The following CD34 variants were observed in gnomAD, a reference collection of about 807,000 sequenced individuals.
The protein encoded by CD34 is hematopoietic progenitor cell antigen CD34.
In CD34, 34 loss-of-function variants were observed where a neutral mutation model predicts 40.1. The observed-to-expected ratio is 0.85, with a 90% CI of 0.65 to 1.13. CD34 has a LOEUF of 1.13. Ranked by LOEUF, CD34 falls within the 50% of genes most tolerant of loss-of-function variation. The pLI, the probability that CD34 is intolerant of heterozygous loss-of-function variation, is 0.00. For missense variants in CD34, 426 were observed against 466.9 expected (o/e 0.91, Z 0.81); for synonymous variants, 209 against 190.0 (o/e 1.10, Z -0.82).
In CD34 at chr1:207,911,087, C is replaced by G. The variant is rs1353303412; in HGVS notation, c.-7G>C. On this transcript the variant is annotated 5_prime_UTR_variant, in exon 1 of 8. Coordinates refer to ENST00000310833, the MANE Select transcript of CD34 (RefSeq NM_001025109.2). ...CGCCCCTGCGGACCAGCATCCTTCC[C>G]GCGCGGCTCCTAGAGAGACGCACCG... 6.4e-7 allele frequency: 1 copy of G among 1,571,354 alleles called. No homozygotes were observed. Among genetic ancestry groups the G allele is most frequent in the Non-Finnish European group, 8.6e-7 (1 of 1,162,076 alleles).
In CD34 at chr1:207,899,243, C is replaced by T; in HGVS notation, c.263-17G>A. The T allele has an allele frequency of 6.2e-7, 1 of 1,612,440 alleles. No homozygotes were observed. The highest frequency in any genetic ancestry group is 8.5e-7 in the Non-Finnish European group (1 of 1,178,920). The stretch of plus-strand genomic sequence containing the variant: ...CTGTCGTTTCTGGAAGAGACCAAAA[C>T]ATGGGTGTGCATGTGTGCATGTGCT... On this transcript the variant is annotated splice_polypyrimidine_tract_variant and intron_variant, in intron 2 of 7. Transcript: ENST00000310833.
intron 4 of CD34, among the ~76,000 whole-genome samples, chr1:207,891,410 G>T (rs548513507): frequency 6.6e-6 from 1 of 152,226 alleles, no homozygotes; most frequent in African/African-American, 2.4e-5. Context: ...AACCAGGCGC[G>T]GTGACTCATG....
rs1490363397 is a variant in CD34 at position 207,883,457 on chromosome 1, T to C, written c.*4281A>G. The C allele has an allele frequency of 2.0e-5, 3 of 151,682 alleles. No individual in the cohort carries two copies. Among genetic ancestry groups the C allele is most frequent in the African/African-American group, 7.2e-5 (3 of 41,390 alleles). 9.4% of individuals were successfully genotyped at this position (151,682 alleles called of 1,614,324 possible). On this transcript the variant is annotated 3_prime_UTR_variant, in exon 8 of 8. Coordinates refer to ENST00000310833, the MANE Select transcript of CD34 (RefSeq NM_001025109.2). Reference sequence around the variant, plus strand: ...GTTATTTCTCACTTTCTGTTGTGCATTTTTTTTCTTGCTTCTTTGTTTAAA... The same window carrying C: ...GTTATTTCTCACTTTCTGTTGTGCACTTTTTTTCTTGCTTCTTTGTTTAAA...
At chr1:207,898,286 C>G (rs868148899) in intron 3 of CD34, among the ~76,000 whole-genome samples, 1 of 152,148 alleles carries the variant, frequency 6.6e-6, no homozygotes, top group Non-Finnish European at 1.5e-5. Context: ...CTCAAGTGAT[C>G]TGCCCACTTC....
chr1:207,898,041 T>TTATC (rs1281685093), intron 3 of CD34, among the ~76,000 whole-genome samples: 2 of 150,076 alleles, frequency 1.3e-5, no homozygotes, highest in South Asian at 2.1e-4. Flanking sequence ...TTTTATTTAT[T>TTATC]TATTTATTTA....
At chr1:207,891,255 C>T (rs1032408042) in intron 4 of CD34, among the ~76,000 whole-genome samples, 3 of 152,064 alleles carry the variant, frequency 2.0e-5, no homozygotes, top group Non-Finnish European at 4.4e-5. Flanking sequence ...TAGGACACTG[C>T]GTGAAAGCCT....
Position 207,887,761 on chromosome 1 carries a change from C to A in CD34, c.1135G>T (p.Val379Leu), listed in dbSNP as rs113941793. The change falls in exon 8 of 8, where the codon GTG (valine) becomes TTG (leucine). Residue 379 changes from valine to leucine, a missense_variant. Transcript: ENST00000310833. The part of the protein sequence containing the change: ...SRNGHSARQH[V>L]VADTEL Reference sequence around the variant, plus strand: ...AGTCACAATTCGGTATCAGCCACCACGTGTTGTCTTGCTGAATGGCCGTTT... The same window carrying A: ...AGTCACAATTCGGTATCAGCCACCAAGTGTTGTCTTGCTGAATGGCCGTTT... 2 of 1,614,158 alleles carry A rather than the reference C, an allele frequency of 1.2e-6. No homozygotes were observed. Among genetic ancestry groups the A allele is most frequent in the East Asian group, 2.2e-5 (1 of 44,884 alleles).
At chr1:207,893,933 G>A (rs1662086867) in intron 4 of CD34, among the ~76,000 whole-genome samples, 1 of 152,146 alleles carries the variant, frequency 6.6e-6, no homozygotes, top group African/African-American at 2.4e-5. Flanking sequence ...ACGTGTTGAT[G>A]AGGATGAGAA....
At position 207,909,875 on chromosome 1, in the gene CD34, G is replaced by A. The variant is rs144224490; in HGVS notation, c.79+1127C>T. Among the ~76,000 whole-genome samples, 415 of 152,314 alleles carry A rather than the reference G, an allele frequency of 2.7e-3. 2 individuals carry two copies. Among genetic ancestry groups the A allele is most frequent in the African/African-American group, 9.6e-3 (400 of 41,556 alleles). On this transcript the variant is annotated intron_variant, in intron 1 of 7. Transcript: ENST00000310833. ...CAGGGGCAGCTGTCCCCAGCTGGGC[G>A]GACCCAAAGATGGACAACAGAGGAG...
At chr1:207,888,299 GA>G (rs1362268331) in intron 7 of CD34, among the ~76,000 whole-genome samples, 1 of 152,214 alleles carries the variant, frequency 6.6e-6, no homozygotes, top group Non-Finnish European at 1.5e-5. Context: ...GGCAAATGGG[GA>G]TTCTCCTTCC....
At chr1:207,906,476 G>T (rs1315309406) in intron 1 of CD34, among the ~76,000 whole-genome samples, 4 of 152,144 alleles carry the variant, frequency 2.6e-5, no homozygotes, top group Non-Finnish European at 5.9e-5. Flanking sequence ...GCTAAGCTAA[G>T]GTGTGAGTAT....
intron 3 of CD34, among the ~76,000 whole-genome samples, chr1:207,897,954 T>G (rs1357877295): frequency 2.6e-5 from 4 of 152,186 alleles, no homozygotes; most frequent in African/African-American, 7.2e-5. Flanking sequence ...ACAGGGATAA[T>G]GGGGTGGACC....
chr1:207,884,777 A>G lies in CD34; in HGVS notation c.*2961T>C, dbSNP rs1433115925. On this transcript the variant is annotated 3_prime_UTR_variant, in exon 8 of 8. Transcript: ENST00000310833. Reference sequence around the variant, plus strand: ...CCTGGGCTCACTGTGGGCGCCGAAGAAGCCGAACCTCATGGCCTCCTGTGA... The same window carrying G: ...CCTGGGCTCACTGTGGGCGCCGAAGGAGCCGAACCTCATGGCCTCCTGTGA... 1.3e-5 allele frequency: 2 copies of G among 152,214 alleles called. No homozygotes were observed. Among genetic ancestry groups the G allele is most frequent in the African/African-American group, 4.8e-5 (2 of 41,432 alleles). 9.4% of individuals were successfully genotyped at this position (152,214 alleles called of 1,614,324 possible).
intron 1 of CD34, among the ~76,000 whole-genome samples, chr1:207,907,976 A>G (rs1662418509): frequency 1.3e-5 from 2 of 152,174 alleles, no homozygotes; most frequent in Admixed American, 1.3e-4. Flanking sequence ...TCAATGAGAG[A>G]GGGAGGCCCA....
chr1:207,897,403 G>T, intron 4 of CD34, 90 bp downstream of exon 4: 1 of 959,400 alleles, frequency 1.0e-6, no homozygotes, highest in Non-Finnish European at 1.6e-6. Flanking sequence ...CTCAAATCCA[G>T]TGCAATCCAA....
At chr1:207,892,133 C>T (rs1262399743) in intron 4 of CD34, among the ~76,000 whole-genome samples, 2 of 142,364 alleles carry the variant, frequency 1.4e-5, no homozygotes, top group Admixed American at 6.9e-5. Flanking sequence ...CAGTTTCTAC[C>T]TCCTCAATGA....
At position 207,888,803 on chromosome 1, in the gene CD34, T is replaced by C. The variant is rs755997844; in HGVS notation, c.851A>G (p.Gln284Arg). The change falls in exon 7 of 8, where the codon CAG (glutamine) becomes CGG (arginine). Residue 284 changes from glutamine (Q) to arginine (R), a missense_variant. Coordinates refer to ENST00000310833, the MANE Select transcript of CD34 (RefSeq NM_001025109.2). ...DFTEQDVASH[Q>R]SYSQKTLIAL... ...AATCAGGGTCTTTTGGGAATAGCTC[T>C]GGTGGCTTGCAACATCTTGCTCAGT... 2.5e-6 allele frequency: 4 copies of C among 1,614,118 alleles called. No homozygotes were observed. Among genetic ancestry groups the C allele is most frequent in the Non-Finnish European group, 3.4e-6 (4 of 1,180,042 alleles).
At chr1:207,889,089 C>T in intron 6 of CD34, 72 bp downstream of exon 6, 1 of 1,006,526 alleles carries the variant, frequency 9.9e-7, no homozygotes, top group Non-Finnish European at 1.6e-6. Context: ...AAGATAATGA[C>T]TTCCCCCCTT....
intron 1 of CD34, among the ~76,000 whole-genome samples, chr1:207,900,793 T>G (rs1221479623): frequency 1.3e-5 from 2 of 152,192 alleles, no homozygotes; most frequent in African/African-American, 4.8e-5. Flanking sequence ...ACCATGTAAT[T>G]TAATGCATGT....
Sources: allele counts gnomAD v4.1 joint callset (sites outside exome capture counted in the v4.1 genomes callset), GRCh38; gene constraint gnomAD v4.1.1; transcripts MANE v1.5; gene names NCBI Gene and HGNC (gene_info 2026-07-23, HGNC 2026-07-21).